Variants in DNAH6 observed in about 807,000 individuals in gnomAD.
The protein encoded by DNAH6 is axonemal beta dynein heavy chain 6.
A neutral mutation model predicts 491.4 loss-of-function variants in DNAH6; 340 were observed. That is an observed-to-expected ratio of 0.69 (90% CI 0.63 to 0.76). The LOEUF is 0.76. Ranked by LOEUF, DNAH6 falls within the 30% of genes least tolerant of loss-of-function variation. DNAH6 has a pLI of 0.00. For missense variants in DNAH6, 4,443 were observed against 4,972.2 expected, an observed-to-expected ratio of 0.89 and a Z score of 3.20; for synonymous variants, 1,603 against 1,686.1, an observed-to-expected ratio of 0.95 and a Z score of 1.21.
intron 13 of DNAH6, among the ~76,000 whole-genome samples, chr2:84,578,593 A>C (rs1283609199): frequency 6.6e-6 from 1 of 152,224 alleles, no homozygotes; most frequent in South Asian, 2.1e-4. Flanking sequence ...GATTGTCAAA[A>C]GCTCCACAAG....
chr2:84,759,360 T>A (rs1358374561), intron 63 of DNAH6, among the ~76,000 whole-genome samples: 1 of 151,860 alleles, frequency 6.6e-6, no homozygotes, highest in East Asian at 1.9e-4. Context: ...ATACAAAAAA[T>A]TAGCCAGATG....
chr2:84,615,879 C>G (rs368336330), intron 22 of DNAH6, among the ~76,000 whole-genome samples: 110 of 152,010 alleles, frequency 7.2e-4, no homozygotes, highest in African/African-American at 2.5e-3. Flanking sequence ...AGCAGAGCTA[C>G]TGATTTGAGT....
At chr2:84,772,897 C>T (rs571830714) in intron 64 of DNAH6, among the ~76,000 whole-genome samples, 1 of 151,870 alleles carries the variant, frequency 6.6e-6, no homozygotes, top group African/African-American at 2.4e-5. Flanking sequence ...TACGTCAGGC[C>T]ACAAAACAAG....
chr2:84,749,190 T>C (rs1461753329), intron 63 of DNAH6, among the ~76,000 whole-genome samples: 1 of 152,164 alleles, frequency 6.6e-6, no homozygotes, highest in Admixed American at 6.5e-5. Flanking sequence ...ACTCTGTCAT[T>C]CTGTAGGAAG....
At chr2:84,483,153 G>A in the DNAH6 span, among the ~76,000 whole-genome samples, 2 of 151,874 alleles carry the variant, frequency 1.3e-5, no homozygotes, top group Non-Finnish European at 2.9e-5. Flanking sequence ...GGGTAGATAC[G>A]GGGTCTCACT....
At chr2:84,620,077 A>C (rs1240523798) in intron 24 of DNAH6, among the ~76,000 whole-genome samples, 173 bp downstream of exon 24, 2 of 152,172 alleles carry the variant, frequency 1.3e-5, no homozygotes, top group Admixed American at 1.3e-4. Context: ...GGAACAAACA[A>C]CTGAAAATCA....
intron 41 of DNAH6, among the ~76,000 whole-genome samples, chr2:84,679,161 C>G (rs1448507466): frequency 6.6e-6 from 1 of 152,122 alleles, no homozygotes; most frequent in Non-Finnish European, 1.5e-5. Flanking sequence ...GCCTATGAGT[C>G]TAAATAGTAC....
At chr2:84,644,035 T>C (rs1289401650) in intron 33 of DNAH6, among the ~76,000 whole-genome samples, 1 of 152,158 alleles carries the variant, frequency 6.6e-6, no homozygotes, top group Non-Finnish European at 1.5e-5. Flanking sequence ...GTAAGTAATG[T>C]AGTGGTAAGG....
At chr2:84,694,590 G>GA in intron 46 of DNAH6, 110 bp downstream of exon 46, 1 of 717,560 alleles carries the variant, frequency 1.4e-6, no homozygotes, top group Non-Finnish European at 2.3e-6. Context: ...TGTTCCCTTT[G>GA]ATAACAGATT....
intron 39 of DNAH6, among the ~76,000 whole-genome samples, chr2:84,672,007 A>G (rs372194233): frequency 5.8e-4 from 88 of 152,322 alleles, no homozygotes; most frequent in African/African-American, 1.9e-3. Flanking sequence ...CCTAAGCCAC[A>G]TGGTTGCTGA....
chr2:84,705,387 C>T, intron 51 of DNAH6, 99 bp from the exon 52 acceptor site: 1 of 1,126,130 alleles, frequency 8.9e-7, no homozygotes, highest in Non-Finnish European at 1.2e-6. Flanking sequence ...AAATTATCCA[C>T]TTATTGGGAT....
intron 54 of DNAH6, among the ~76,000 whole-genome samples, chr2:84,708,482 GGGGA>G (rs370076725): frequency 7.9e-5 from 8 of 100,952 alleles, no homozygotes; most frequent in Middle Eastern, 4.6e-3. Context: ...GAAAGGGGGG[GGGGA>G]GGGAGGGAGG....
chr2:84,720,577 C>T (rs1464819145), intron 59 of DNAH6, among the ~76,000 whole-genome samples: 1 of 152,022 alleles, frequency 6.6e-6, no homozygotes, highest in Admixed American at 6.5e-5. Flanking sequence ...CGCGCCCGGC[C>T]GAGTGCTTCT....
intron 63 of DNAH6, among the ~76,000 whole-genome samples, chr2:84,760,456 A>G (rs554818306): frequency 2.6e-5 from 4 of 152,282 alleles, no homozygotes; most frequent in Non-Finnish European, 5.9e-5. Flanking sequence ...CTCAACAACA[A>G]TAACAAAGAA....
chr2:84,586,980 G>T (rs998930801), intron 15 of DNAH6, among the ~76,000 whole-genome samples: 2 of 152,078 alleles, frequency 1.3e-5, no homozygotes, highest in East Asian at 3.9e-4. Flanking sequence ...TGGGTTCAGG[G>T]ATACATGTGC....
chr2:84,618,988 G>A (rs1489031979), intron 23 of DNAH6, among the ~76,000 whole-genome samples: 2 of 152,140 alleles, frequency 1.3e-5, no homozygotes, highest in African/African-American at 4.8e-5. Flanking sequence ...GATTTGGCCT[G>A]GGGCTGTAAC....
At chr2:84,494,038 G>A in the DNAH6 span, among the ~76,000 whole-genome samples, 1 of 152,200 alleles carries the variant, frequency 6.6e-6, no homozygotes, top group Non-Finnish European at 1.5e-5. Context: ...AGAATGGACA[G>A]AGTGAGATCA....
the DNAH6 span, among the ~76,000 whole-genome samples, chr2:84,510,395 G>A: frequency 2.0e-5 from 3 of 152,166 alleles, no homozygotes; most frequent in East Asian, 1.9e-4. Context: ...CATTCGTCAC[G>A]TAGTTCTCGT....
chr2:84,520,217 T>C (rs1194624678), intron 2 of DNAH6, among the ~76,000 whole-genome samples: 2 of 152,094 alleles, frequency 1.3e-5, no homozygotes, highest in Non-Finnish European at 2.9e-5. Flanking sequence ...TATAATTATA[T>C]TTAACATACA....
Sources: allele counts gnomAD v4.1 joint callset (sites outside exome capture counted in the v4.1 genomes callset), GRCh38; gene constraint gnomAD v4.1.1; transcripts MANE v1.5; gene names NCBI Gene and HGNC (gene_info 2026-07-23, HGNC 2026-07-21).